IGSF11: variants seen among roughly 807,000 people sequenced by gnomAD.
The protein encoded by IGSF11 is CXADR like 1.
In IGSF11, 22 loss-of-function variants were observed where a neutral mutation model predicts 41.0. The ratio of observed to expected loss-of-function variants is 0.54; its 90% CI spans 0.38 to 0.77. The LOEUF is 0.77. Among genes scored for constraint, IGSF11 ranks in the 30% least tolerant of loss-of-function variants. IGSF11 has a pLI of 0.00. For synonymous variants in IGSF11, 219 were observed against 201.3 expected (o/e 1.09, Z -0.74); for missense variants, 444 against 530.8 (o/e 0.84, Z 1.61).
rs527754172 is a variant in IGSF11 at position 118,953,322 on chromosome 3, T to C, written c.53-23047A>G. Among the ~76,000 whole-genome samples, 10 of 152,340 alleles carry C rather than the reference T, an allele frequency of 6.6e-5. No homozygotes were observed. In the South Asian group the frequency reaches 1.4e-3, roughly 22 times the overall value. On this transcript the variant is annotated intron_variant, in intron 1 of 6. Transcript: ENST00000393775. ...TTGATGGACATTTGGGCTGGTTCCA[T>C]ATATTTGCAATTACAAATTGTGCTG...
chr3:119,119,645 G>A (rs1163302837), intron 1 of IGSF11, among the ~76,000 whole-genome samples: 1 of 152,092 alleles, frequency 6.6e-6, no homozygotes, highest in African/African-American at 2.4e-5. Flanking sequence ...TCCATTACAA[G>A]AACCATCCCC....
chr3:119,007,233 G>GC (rs1484719700), intron 1 of IGSF11, among the ~76,000 whole-genome samples: 2 of 145,390 alleles, frequency 1.4e-5, no homozygotes, highest in East Asian at 2.0e-4. Flanking sequence ...TTTTCCAGGT[G>GC]CGTCCGTCAC....
chr3:118,953,911 TCCC>T, intron 1 of IGSF11, among the ~76,000 whole-genome samples: 2 of 152,184 alleles, frequency 1.3e-5, no homozygotes, highest in Non-Finnish European at 2.9e-5. Flanking sequence ...TTTAATTAAG[TCCC>T]ATCTATTTAT....
chr3:118,913,250 A>T (rs1048001206), intron 4 of IGSF11, among the ~76,000 whole-genome samples: 1 of 152,150 alleles, frequency 6.6e-6, no homozygotes, highest in African/African-American at 2.4e-5. Context: ...AAAGAAGAGA[A>T]AAGGCTATAT....
chr3:118,982,938 C>A (rs1934886455), intron 1 of IGSF11, among the ~76,000 whole-genome samples: 1 of 152,174 alleles, frequency 6.6e-6, no homozygotes, highest in South Asian at 2.1e-4. Flanking sequence ...TCTAGTATCA[C>A]CTTGTGAATC....
At chr3:119,016,209 G>T (rs114215046) in intron 1 of IGSF11, among the ~76,000 whole-genome samples, 1 of 152,204 alleles carries the variant, frequency 6.6e-6, no homozygotes, top group South Asian at 2.1e-4. Flanking sequence ...AAGGGAGAGA[G>T]GTGTGGCAGC....
intron 1 of IGSF11, among the ~76,000 whole-genome samples, chr3:119,127,128 C>T (rs755136903): frequency 6.6e-6 from 1 of 151,932 alleles, no homozygotes; most frequent in African/African-American, 2.4e-5. Context: ...AGCTAAGAAC[C>T]TTGATAAAAA....
intron 1 of IGSF11, among the ~76,000 whole-genome samples, chr3:119,092,179 C>A (rs544923602): frequency 2.7e-4 from 41 of 151,376 alleles, no homozygotes; most frequent in African/African-American, 9.7e-4. Context: ...GCCCTGTGTT[C>A]GCGCTTGAAG....
intron 1 of IGSF11, among the ~76,000 whole-genome samples, chr3:119,071,364 T>C (rs2076396990): frequency 6.6e-6 from 1 of 152,218 alleles, no homozygotes; most frequent in African/African-American, 2.4e-5. Context: ...TTTTGTTGCC[T>C]GTGCTTTTGG....
chr3:118,938,440 T>G (rs959826265), intron 1 of IGSF11, among the ~76,000 whole-genome samples: 1 of 152,192 alleles, frequency 6.6e-6, no homozygotes, highest in Non-Finnish European at 1.5e-5. Context: ...TCATGTTACC[T>G]GTCTGACTCC....
chr3:119,000,532 T>C (rs1180683129), intron 1 of IGSF11, among the ~76,000 whole-genome samples: 4 of 151,970 alleles, frequency 2.6e-5, no homozygotes, highest in African/African-American at 9.7e-5. Flanking sequence ...CTATTCTTTT[T>C]TTTTTTTCGT....
intron 1 of IGSF11, among the ~76,000 whole-genome samples, chr3:118,954,490 T>C (rs78633928): frequency 0.011 from 1,607 of 152,172 alleles, 24 homozygotes; most frequent in Non-Finnish European, 0.018. Flanking sequence ...TGCACAAGGG[T>C]TGGAATCAAC....
At chr3:119,101,300 G>C (rs567258967) in intron 1 of IGSF11, among the ~76,000 whole-genome samples, 3 of 152,060 alleles carry the variant, frequency 2.0e-5, no homozygotes, top group African/African-American at 7.2e-5. Flanking sequence ...ACCTGAGGTC[G>C]GGAGTTCAAG....
chr3:119,088,583 A>C (rs2076715088), intron 1 of IGSF11, among the ~76,000 whole-genome samples: 1 of 152,206 alleles, frequency 6.6e-6, no homozygotes, highest in Admixed American at 6.5e-5. Flanking sequence ...GTAGAAGAAA[A>C]GAAGAAAAAA....
intron 1 of IGSF11, among the ~76,000 whole-genome samples, chr3:119,014,975 G>A (rs920643113): frequency 2.6e-5 from 4 of 152,044 alleles, no homozygotes; most frequent in Admixed American, 2.6e-4. Flanking sequence ...TATGCTAAAT[G>A]TCTTTTTAGC....
chr3:119,105,460 T>C (rs953222338), upstream of IGSF11, among the ~76,000 whole-genome samples: 4 of 152,090 alleles, frequency 2.6e-5, no homozygotes, highest in East Asian at 1.9e-4. Context: ...TGTATCAAGA[T>C]GGATCAGGGT....
upstream of IGSF11, among the ~76,000 whole-genome samples, chr3:119,106,812 C>A (rs1371797201): frequency 1.3e-5 from 2 of 151,996 alleles, no homozygotes; most frequent in Non-Finnish European, 2.9e-5. Flanking sequence ...TGTTCAATTC[C>A]CACCTATGAG....
chr3:119,103,870 T>C (rs2573195), intron 1 of IGSF11, among the ~76,000 whole-genome samples: 5 of 152,148 alleles, frequency 3.3e-5, no homozygotes, highest in Non-Finnish European at 7.4e-5. Flanking sequence ...TTTGCTTGAG[T>C]TATACAGATG....
intron 1 of IGSF11, among the ~76,000 whole-genome samples, chr3:119,059,225 C>T (rs1941972330): frequency 6.6e-6 from 1 of 151,272 alleles, no homozygotes; most frequent in Non-Finnish European, 1.5e-5. Flanking sequence ...ATGGAAACTA[C>T]TCAGTCATAA....
Sources: allele counts gnomAD v4.1 joint callset (sites outside exome capture counted in the v4.1 genomes callset), GRCh38; gene constraint gnomAD v4.1.1; transcripts MANE v1.5; gene names NCBI Gene and HGNC (gene_info 2026-07-23, HGNC 2026-07-21).